PTPRO: variants seen among roughly 807,000 people sequenced by gnomAD.
The protein encoded by PTPRO is receptor-type tyrosine-protein phosphatase O.
PTPRO carries 62 observed loss-of-function variants against 145.2 expected under a neutral mutation model. That is an observed-to-expected ratio of 0.43 (90% CI 0.35 to 0.53). PTPRO has a LOEUF of 0.53. PTPRO is among the 20% of genes least tolerant of loss of function. PTPRO has a pLI of 0.01. For missense variants in PTPRO, 1,345 were observed against 1,482.7 expected (o/e 0.91, Z 1.53); for synonymous variants, 565 against 514.7 (o/e 1.10, Z -1.32).
At chr12:15,591,379 C>CA (rs1171310641) in intron 25 of PTPRO, among the ~76,000 whole-genome samples, 71 of 151,092 alleles carry the variant, frequency 4.7e-4, no homozygotes, top group African/African-American at 1.6e-3. Flanking sequence ...TCAAAAAAAA[C>CA]AAAAAAAACT....
At chr12:15,497,153 G>A in intron 2 of PTPRO, 92 bp from the exon 3 acceptor site, 1 of 1,180,936 alleles carries the variant, frequency 8.5e-7, no homozygotes, top group Non-Finnish European at 1.2e-6. Context: ...GTGAATTTCT[G>A]GTAGGTGTAA....
chr12:15,540,182 C>T (rs912596927), intron 12 of PTPRO, among the ~76,000 whole-genome samples: 2 of 152,176 alleles, frequency 1.3e-5, no homozygotes, highest in Admixed American at 6.5e-5. Context: ...CCAACTTGAG[C>T]ATAGTTTCTG....
At chr12:15,569,280 A>T (rs1943981237) in intron 18 of PTPRO, 137 bp from the exon 19 acceptor site, 2 of 759,456 alleles carry the variant, frequency 2.6e-6, no homozygotes, top group African/African-American at 3.6e-5. Context: ...AACCAAAAAA[A>T]AAAGGTGAGT....
At chr12:15,531,831 A>G (rs572243821) in intron 12 of PTPRO, among the ~76,000 whole-genome samples, 1 of 152,334 alleles carries the variant, frequency 6.6e-6, no homozygotes, top group East Asian at 1.9e-4. Context: ...AGTTAATGCA[A>G]TTTAGTGACA....
At chr12:15,590,955 A>T (rs1219691287) in intron 25 of PTPRO, among the ~76,000 whole-genome samples, 1 of 152,208 alleles carries the variant, frequency 6.6e-6, no homozygotes, top group Non-Finnish European at 1.5e-5. Flanking sequence ...TTGATATGTG[A>T]TTAAAAATCC....
At chr12:15,411,249 T>C (rs1209770689) in intron 1 of PTPRO, among the ~76,000 whole-genome samples, 8 of 152,226 alleles carry the variant, frequency 5.3e-5, no homozygotes, top group Admixed American at 5.2e-4. Flanking sequence ...GGCAACTATA[T>C]ATGGTCAAAG....
intron 25 of PTPRO, among the ~76,000 whole-genome samples, chr12:15,592,610 G>A (rs1436351874): frequency 6.6e-6 from 1 of 152,180 alleles, no homozygotes; most frequent in African/African-American, 2.4e-5. Context: ...GCAAGTAGAG[G>A]CGTATTTAGA....
chr12:15,515,991 T>TTTTTTTTTTTTTTTTTTG (rs1565677932), intron 8 of PTPRO, among the ~76,000 whole-genome samples: 1 of 131,090 alleles, frequency 7.6e-6, no homozygotes, highest in African/African-American at 3.0e-5. Flanking sequence ...TTTTTTGTTT[T>TTTTTTTTTTTTTTTTTTG]GTTTTTTTTT....
chr12:15,508,596 A>G lies in PTPRO; in HGVS notation c.1293A>G (p.Glu431=). The change falls in exon 7 of 27, where the codon GAA becomes GAG. Residue 431 remains glutamate, a synonymous_variant. Coordinates refer to ENST00000281171, the MANE Select transcript of PTPRO (RefSeq NM_030667.3). ...YISPSGEWIE[E]LTEKPQHVSV... Reference sequence around the variant, plus strand: ...GTCCTTCAGGAGAGTGGATTGAAGAACTGACCGAGAAGCCGCAGCACGTGA... The same window carrying G: ...GTCCTTCAGGAGAGTGGATTGAAGAGCTGACCGAGAAGCCGCAGCACGTGA... 6.2e-7 allele frequency: 1 copy of G among 1,614,074 alleles called. No homozygotes were observed.
intron 6 of PTPRO, among the ~76,000 whole-genome samples, chr12:15,506,267 A>G (rs1343421667): frequency 6.6e-6 from 1 of 152,218 alleles, no homozygotes; most frequent in Non-Finnish European, 1.5e-5. Context: ...ATTTGATCCC[A>G]ACAACAACCT....
Position 15,484,112 on chromosome 12 carries a change from G to C in PTPRO, c.214G>C (p.Glu72Gln), listed in dbSNP as rs763453061. Residue 72 changes from glutamate (E) to glutamine (Q), a missense_variant, in exon 2 of 27, where the codon GAG becomes CAG. Transcript: ENST00000281171. ...GESKNYFFEFEEFNSTLPPPV... is the reference protein window; with the variant it reads ...GESKNYFFEFQEFNSTLPPPV... The stretch of plus-strand genomic sequence containing the variant: ...ATCCAAAAATTATTTCTTCGAATTT[G>C]AGGAATTCAACAGCACTTTGCCTCC... The C allele has an allele frequency of 1.1e-5, 18 of 1,613,662 alleles. No homozygotes were observed. The highest frequency in any genetic ancestry group is 1.4e-5 in the Non-Finnish European group (17 of 1,179,818).
At chr12:15,536,326 G>C (rs1943064714) in intron 12 of PTPRO, among the ~76,000 whole-genome samples, 1 of 152,186 alleles carries the variant, frequency 6.6e-6, no homozygotes, top group Admixed American at 6.5e-5. Flanking sequence ...TCACTGTGAA[G>C]GTGATGTTTG....
intron 7 of PTPRO, among the ~76,000 whole-genome samples, chr12:15,512,467 A>G (rs934828235): frequency 2.6e-5 from 4 of 152,146 alleles, no homozygotes; most frequent in African/African-American, 9.7e-5. Context: ...CGTATTATTT[A>G]TGTGTATATG....
intron 26 of PTPRO, 48 bp downstream of exon 26, chr12:15,595,105 G>A (rs1944632758): frequency 8.1e-7 from 1 of 1,238,976 alleles, no homozygotes; most frequent in African/African-American, 1.5e-5. Context: ...AGAACTATTA[G>A]AGGGGGATGT....
intron 1 of PTPRO, among the ~76,000 whole-genome samples, chr12:15,354,079 T>G (rs1218128085): frequency 6.6e-6 from 1 of 152,148 alleles, no homozygotes; most frequent in Non-Finnish European, 1.5e-5. Context: ...GTTTGTGCTG[T>G]TAACTGTTGG....
intron 1 of PTPRO, among the ~76,000 whole-genome samples, chr12:15,412,162 G>A (rs954396496): frequency 5.4e-5 from 8 of 147,160 alleles, no homozygotes; most frequent in Non-Finnish European, 8.9e-5. Flanking sequence ...GGGAAGAAAA[G>A]CATTTGAAAA....
intron 1 of PTPRO, among the ~76,000 whole-genome samples, chr12:15,337,003 G>C (rs778219804): frequency 9.2e-5 from 14 of 152,136 alleles, no homozygotes; most frequent in Non-Finnish European, 1.6e-4. Flanking sequence ...TCAGAACCTA[G>C]TCCTACAATT....
intron 14 of PTPRO, among the ~76,000 whole-genome samples, chr12:15,549,841 G>T (rs1318237003): frequency 1.3e-5 from 2 of 152,178 alleles, no homozygotes; most frequent in Admixed American, 1.3e-4. Flanking sequence ...CACTGGTTTA[G>T]TTCCATTTCT....
At chr12:15,340,752 T>C (rs987981741) in intron 1 of PTPRO, among the ~76,000 whole-genome samples, 7 of 152,198 alleles carry the variant, frequency 4.6e-5, no homozygotes, top group Non-Finnish European at 7.4e-5. Context: ...GCCCTGGCTT[T>C]AGAAGCCTGT....
Sources: gnomAD v4.1 joint callset for allele counts (sites outside exome capture counted in the v4.1 genomes callset) on GRCh38, gnomAD v4.1.1 for gene constraint, MANE v1.5 for transcripts, NCBI Gene and HGNC (gene_info 2026-07-23, HGNC 2026-07-21) for gene names.